SLC26A5: variants seen among roughly 807,000 people sequenced by gnomAD.
SLC26A5 encodes the protein solute carrier family 26 member 5, also known as prestin.
In SLC26A5, 51 loss-of-function variants were observed where a neutral mutation model predicts 81.0. The observed-to-expected ratio is 0.63, with a 90% CI of 0.50 to 0.80. The LOEUF is 0.80. SLC26A5 is among the 30% of genes least tolerant of loss of function. The pLI, the probability that SLC26A5 is intolerant of heterozygous loss-of-function variation, is 0.00. For missense variants in SLC26A5, 771 were observed against 905.8 expected, an observed-to-expected ratio of 0.85 and a Z score of 1.91; for synonymous variants, 325 against 332.8, an observed-to-expected ratio of 0.98 and a Z score of 0.25.
At chr7:103,364,682 A>G (rs1316397110) in intron 19 of SLC26A5, among the ~76,000 whole-genome samples, 3 of 152,118 alleles carry the variant, frequency 2.0e-5, no homozygotes, top group East Asian at 1.9e-4. Context: ...TGCTGGTAGT[A>G]TAGGCAAGAA....
At chr7:103,376,665 C>G in intron 19 of SLC26A5, 143 bp downstream of exon 19, 2 of 644,490 alleles carry the variant, frequency 3.1e-6, no homozygotes, top group South Asian at 4.6e-5. Flanking sequence ...AATTTCAAAG[C>G]TGGCTTTAGA....
At chr7:103,402,673 A>G (rs1434902596) in intron 8 of SLC26A5, among the ~76,000 whole-genome samples, 2 of 152,140 alleles carry the variant, frequency 1.3e-5, no homozygotes, top group Non-Finnish European at 2.9e-5. Flanking sequence ...TGCTCGGATT[A>G]CAGGCGTGAG....
intron 13 of SLC26A5, 49 bp from the exon 14 acceptor site, chr7:103,389,163 C>G: frequency 7.0e-7 from 1 of 1,425,784 alleles, no homozygotes; most frequent in Non-Finnish European, 9.9e-7. Flanking sequence ...AAACATCCCA[C>G]AAGAGTTAAA....
At chr7:103,359,816 A>C (rs926246498) in intron 19 of SLC26A5, among the ~76,000 whole-genome samples, 15 of 152,176 alleles carry the variant, frequency 9.9e-5, no homozygotes, top group Non-Finnish European at 2.9e-5. Flanking sequence ...GCAGTGGCTC[A>C]TGCCTGTAAT....
rs72106385 is a variant in SLC26A5 at position 103,397,716 on chromosome 7, C to CAA, written c.971+214_971+215dup. 1.4e-3 allele frequency among the ~76,000 whole-genome samples: 170 copies of CAA among 118,504 alleles called. 1 individual carries two copies. Among genetic ancestry groups the CAA allele is most frequent in the African/African-American group, 4.5e-3 (131 of 29,220 alleles). 77.7% of individuals were successfully genotyped at this position (118,504 alleles called of 152,430 possible). ...CAGGCGACAGAGTGAGACTTCGTCT[C>CAA]AAAAAAAAAAAAAAAAGGTTAAGAC... On this transcript the variant is annotated intron_variant, in intron 9 of 19. Coordinates refer to ENST00000306312, the MANE Select transcript of SLC26A5 (RefSeq NM_198999.3).
intron 2 of SLC26A5, among the ~76,000 whole-genome samples, chr7:103,423,246 T>G (rs1399980457): frequency 6.6e-6 from 1 of 152,106 alleles, no homozygotes; most frequent in African/African-American, 2.4e-5. Context: ...TACTCCAGCC[T>G]GGGCGACAAG....
intron 4 of SLC26A5, among the ~76,000 whole-genome samples, chr7:103,419,173 T>TC (rs1233024231): frequency 6.6e-6 from 1 of 152,166 alleles, no homozygotes; most frequent in Non-Finnish European, 1.5e-5. Context: ...GAACTGTGAG[T>TC]CTATTAAACC....
At chr7:103,393,614 G>A (rs1219181638) in intron 9 of SLC26A5, among the ~76,000 whole-genome samples, 3 of 151,666 alleles carry the variant, frequency 2.0e-5, no homozygotes, top group African/African-American at 7.3e-5. Flanking sequence ...CATTAGCTGA[G>A]GTTGTAACAT....
intron 2 of SLC26A5, among the ~76,000 whole-genome samples, chr7:103,428,132 C>A (rs1825827155): frequency 6.6e-6 from 1 of 152,126 alleles, no homozygotes; most frequent in Admixed American, 6.5e-5. Flanking sequence ...GGATTACAGG[C>A]ATAAGCCACT....
chr7:103,410,216 CTT>C (rs1366655540), intron 7 of SLC26A5, among the ~76,000 whole-genome samples, 167 bp downstream of exon 7: 1 of 152,088 alleles, frequency 6.6e-6, no homozygotes, highest in African/African-American at 2.4e-5. Flanking sequence ...GTTTAGTTCT[CTT>C]TGTAACACTC....
chr7:103,374,240 A>T lies in SLC26A5; in HGVS notation c.*159T>A. The T allele has an allele frequency of 6.3e-6, 9 of 1,424,664 alleles. No individual in the cohort carries two copies. Among genetic ancestry groups the T allele is most frequent in the Non-Finnish European group, 8.2e-6 (9 of 1,094,286 alleles). The allele number at this position is 1,424,664 out of a possible 1,614,324, so 88.3% of individuals were successfully genotyped here. On this transcript the variant is annotated 3_prime_UTR_variant, in exon 20 of 20. Transcript: ENST00000306312. Reference sequence around the variant, plus strand: ...TGAAGTATTCAATTAAAAAAACACAAGTACAATACATCTTGCTAGGCGTCA... The same window carrying T: ...TGAAGTATTCAATTAAAAAAACACATGTACAATACATCTTGCTAGGCGTCA...
chr7:103,415,121 TGCACTGTTATGCTGTGGAGA>T (rs1824804187), intron 4 of SLC26A5, among the ~76,000 whole-genome samples: 1 of 152,218 alleles, frequency 6.6e-6, no homozygotes, highest in Admixed American at 6.5e-5. Flanking sequence ...ACTCATTTAA[TGCACTGTTATGCTGTGGAGA>T]AAACAGCTTT....
chr7:103,384,720 CT>C (rs1327486807), intron 14 of SLC26A5, among the ~76,000 whole-genome samples: 1 of 152,160 alleles, frequency 6.6e-6, no homozygotes, highest in East Asian at 1.9e-4. Flanking sequence ...CCCAATCATT[CT>C]AGGCTTCAGC....
Position 103,398,077 on chromosome 7 carries a change from C to T in SLC26A5, c.889-63G>A, listed in dbSNP as rs1176583291. On this transcript the variant is annotated intron_variant, in intron 8 of 19. Coordinates refer to ENST00000306312, the MANE Select transcript of SLC26A5 (RefSeq NM_198999.3). ...AATGTTCAAATACTGCAAAAATCAG[C>T]TTCAAATAATATGTTAGTCAAGTCA... 6.4e-6 allele frequency: 8 copies of T among 1,255,098 alleles called. No individual in the cohort carries two copies. The South Asian group carries it at 8.4e-5, about 13-fold the overall frequency. The allele number at this position is 1,255,098 out of a possible 1,614,324, so 77.7% of individuals were successfully genotyped here. A position where few individuals can be genotyped will look rare whatever the true frequency, so the allele number is the denominator to read the frequency against.
intron 2 of SLC26A5, among the ~76,000 whole-genome samples, chr7:103,438,348 T>C (rs1455587846): frequency 1.3e-5 from 2 of 152,070 alleles, no homozygotes; most frequent in South Asian, 4.1e-4. Flanking sequence ...AAAATATTCG[T>C]CATAATTTTA....
intron 9 of SLC26A5, among the ~76,000 whole-genome samples, chr7:103,396,637 A>G (rs1185588847): frequency 6.6e-6 from 1 of 152,232 alleles, no homozygotes; most frequent in African/African-American, 2.4e-5. Flanking sequence ...AAATTCATAA[A>G]AACAGAAAGA....
chr7:103,421,590 C>G (rs1406620323), intron 2 of SLC26A5, 23 bp from the exon 3 acceptor site: 1 of 1,506,874 alleles, frequency 6.6e-7, no homozygotes, highest in Non-Finnish European at 9.2e-7. Context: ...AGAAAAACTC[C>G]ATTTTACTTG....
chr7:103,411,744 G>C (rs1473872302), intron 5 of SLC26A5, among the ~76,000 whole-genome samples, 158 bp from the exon 6 acceptor site: 1 of 152,198 alleles, frequency 6.6e-6, no homozygotes, highest in Admixed American at 6.5e-5. Context: ...ATGAGCAACC[G>C]TGTGTGTGCG....
chr7:103,370,530 C>G (rs1189671200), downstream of SLC26A5, among the ~76,000 whole-genome samples: 1 of 152,172 alleles, frequency 6.6e-6, no homozygotes, highest in Admixed American at 6.5e-5. Context: ...CTGTCTTTCT[C>G]TGCTAAACAG....
Sources: gnomAD v4.1 joint callset for allele counts (sites outside exome capture counted in the v4.1 genomes callset) on GRCh38, gnomAD v4.1.1 for gene constraint, MANE v1.5 for transcripts, NCBI Gene and HGNC (gene_info 2026-07-23, HGNC 2026-07-21) for gene names.